Variants in PTPRD observed in about 807,000 individuals in gnomAD.
PTPRD encodes protein tyrosine phosphatase receptor type D.
In PTPRD, 34 loss-of-function variants were observed where a neutral mutation model predicts 214.5. The ratio of observed to expected loss-of-function variants is 0.16; its 90% CI spans 0.12 to 0.21. The LOEUF (loss-of-function observed/expected upper bound fraction) is 0.21. Among genes scored for constraint, PTPRD ranks in the 10% least tolerant of loss-of-function variants. The pLI is 1.00. For missense variants in PTPRD, 2,545 were observed against 2,398.7 expected, an observed-to-expected ratio of 1.06 and a Z score of -1.27; for synonymous variants, 1,128 against 845.7, an observed-to-expected ratio of 1.33 and a Z score of -5.79.
chr9:10,343,663 G>A (rs1446965661), intron 2 of PTPRD, among the ~76,000 whole-genome samples: 2 of 152,056 alleles, frequency 1.3e-5, no homozygotes, highest in African/African-American at 4.8e-5. Flanking sequence ...TTTAGTGATT[G>A]CCATTCTAAC....
intron 5 of PTPRD, among the ~76,000 whole-genome samples, chr9:9,912,409 G>A (rs10816227): frequency 0.24 from 36,043 of 151,938 alleles, 5,238 homozygotes; most frequent in African/African-American, 0.42. Context: ...TGATTATGCT[G>A]TAAATTCCAC....
intron 7 of PTPRD, among the ~76,000 whole-genome samples, chr9:9,713,243 A>G (rs1443793725): frequency 6.6e-6 from 1 of 152,212 alleles, no homozygotes; most frequent in Non-Finnish European, 1.5e-5. Flanking sequence ...AATAAGCTTA[A>G]AGACACAAAT....
chr9:8,725,347 T>C (rs1459846649), intron 12 of PTPRD, among the ~76,000 whole-genome samples: 2 of 152,182 alleles, frequency 1.3e-5, no homozygotes, highest in Non-Finnish European at 1.5e-5. Context: ...AGGGATCATA[T>C]TGCTTTTAAT....
At chr9:10,069,648 T>C (rs1005145451) in intron 3 of PTPRD, among the ~76,000 whole-genome samples, 1 of 152,038 alleles carries the variant, frequency 6.6e-6, no homozygotes, top group African/African-American at 2.4e-5. Context: ...GACTTGACTT[T>C]GACCCCAATA....
At chr9:10,587,189 G>T (rs1032458014) in intron 2 of PTPRD, among the ~76,000 whole-genome samples, 3 of 152,032 alleles carry the variant, frequency 2.0e-5, no homozygotes, top group African/African-American at 2.4e-5. Flanking sequence ...GACAGCAAAG[G>T]TCCTTACATT....
chr9:8,407,111 A>G (rs2093060940), intron 35 of PTPRD, among the ~76,000 whole-genome samples: 1 of 152,230 alleles, frequency 6.6e-6, no homozygotes, highest in African/African-American at 2.4e-5. Flanking sequence ...TGATACCTAC[A>G]TTGAAGACTT....
chr9:9,553,516 C>T (rs1205370149), intron 8 of PTPRD, among the ~76,000 whole-genome samples: 2 of 151,560 alleles, frequency 1.3e-5, no homozygotes, highest in African/African-American at 2.4e-5. Context: ...TAGAAAAACT[C>T]GGATTTTTTT....
chr9:9,658,853 G>A (rs549311026), intron 7 of PTPRD, among the ~76,000 whole-genome samples: 1 of 152,094 alleles, frequency 6.6e-6, no homozygotes, highest in East Asian at 1.9e-4. Context: ...TGTTATTATT[G>A]CTTATATTGA....
chr9:9,936,066 C>T (rs987304709), intron 5 of PTPRD, among the ~76,000 whole-genome samples: 1 of 147,520 alleles, frequency 6.8e-6, no homozygotes, highest in Admixed American at 6.6e-5. Context: ...ACACCTTATA[C>T]AAAAATCAAT....
At chr9:10,460,657 A>T (rs181541402) in intron 2 of PTPRD, among the ~76,000 whole-genome samples, 3 of 152,280 alleles carry the variant, frequency 2.0e-5, no homozygotes, top group Admixed American at 6.5e-5. Flanking sequence ...CTGGATTTAC[A>T]TATCTGGATT....
At position 9,302,095 on chromosome 9, in the gene PTPRD, A is replaced by G. The variant is rs17668782; in HGVS notation, c.-203+95354T>C. 1.6e-3 allele frequency among the ~76,000 whole-genome samples: 245 copies of G among 152,120 alleles called. 1 individual carries two copies. Among genetic ancestry groups the G allele is most frequent in the Non-Finnish European group, 3.0e-3 (204 of 67,930 alleles). ...TGCTCATACATAAGTTATAAATGTC[A>G]AGGGTTATCTATATGGTTACTAAGA... On this transcript the variant is annotated intron_variant, in intron 9 of 45. Transcript: ENST00000381196.
chr9:8,918,124 C>T (rs547297243), intron 11 of PTPRD, among the ~76,000 whole-genome samples: 1 of 152,144 alleles, frequency 6.6e-6, no homozygotes, highest in Non-Finnish European at 1.5e-5. Context: ...GCTCGAGCAG[C>T]CAGACAGCCC....
At chr9:9,906,808 ACATT>A (rs1490256049) in intron 5 of PTPRD, among the ~76,000 whole-genome samples, 2 of 151,964 alleles carry the variant, frequency 1.3e-5, no homozygotes, top group African/African-American at 4.8e-5. Flanking sequence ...TTTCAAAAGC[ACATT>A]CATAAGATTA....
intron 14 of PTPRD, among the ~76,000 whole-genome samples, chr9:8,546,103 C>G (rs1181156688): frequency 6.6e-6 from 1 of 152,198 alleles, no homozygotes; most frequent in East Asian, 1.9e-4. Flanking sequence ...TTCATCTGTA[C>G]TTATCAGGGA....
At chr9:8,386,771 G>T (rs1305970417) in intron 37 of PTPRD, among the ~76,000 whole-genome samples, 2 of 152,176 alleles carry the variant, frequency 1.3e-5, no homozygotes, top group South Asian at 2.1e-4. Flanking sequence ...TCTTGTTTGG[G>T]AATCCAGGAA....
At chr9:9,706,915 G>C (rs1021293477) in intron 7 of PTPRD, among the ~76,000 whole-genome samples, 1 of 152,118 alleles carries the variant, frequency 6.6e-6, no homozygotes, top group Non-Finnish European at 1.5e-5. Context: ...CAATTGAAAA[G>C]TCTGAAAAAT....
At chr9:9,904,848 G>A (rs1053076192) in intron 5 of PTPRD, among the ~76,000 whole-genome samples, 4 of 152,030 alleles carry the variant, frequency 2.6e-5, no homozygotes, top group Admixed American at 6.6e-5. Flanking sequence ...GAAATCGTAG[G>A]TGGGCAATGA....
At chr9:9,581,053 A>T (rs191967516) in intron 7 of PTPRD, among the ~76,000 whole-genome samples, 1 of 152,132 alleles carries the variant, frequency 6.6e-6, no homozygotes, top group Non-Finnish European at 1.5e-5. Flanking sequence ...ATTTTAGTCA[A>T]TTTAGAAAGA....
At chr9:8,879,591 C>T (rs1010746563) in intron 11 of PTPRD, among the ~76,000 whole-genome samples, 2 of 152,100 alleles carry the variant, frequency 1.3e-5, no homozygotes, top group African/African-American at 4.8e-5. Flanking sequence ...AATGTCTACT[C>T]CCTATCCCAA....
Sources: allele counts gnomAD v4.1 joint callset (sites outside exome capture counted in the v4.1 genomes callset), GRCh38; gene constraint gnomAD v4.1.1; transcripts MANE v1.5; gene names NCBI Gene and HGNC (gene_info 2026-07-23, HGNC 2026-07-21).